SAMD5: variants seen among roughly 807,000 people sequenced by gnomAD.
SAMD5 encodes the protein sterile alpha motif domain-containing protein 5.
Under a neutral mutation model 11.3 loss-of-function variants are expected in SAMD5, and 13 were observed. The ratio of observed to expected loss-of-function variants is 1.15; its 90% CI spans 0.75 to 1.83. The LOEUF is 1.83. Among genes scored for constraint, SAMD5 ranks in the 40% most tolerant of loss-of-function variants. The pLI is 0.00. For missense variants in SAMD5, 255 were observed against 239.1 expected (o/e 1.07, Z -0.44); for synonymous variants, 129 against 111.3 (o/e 1.16, Z -1.00).
the SAMD5 span, among the ~76,000 whole-genome samples, chr6:147,751,792 T>G: frequency 6.6e-6 from 1 of 152,200 alleles, no homozygotes; most frequent in Non-Finnish European, 1.5e-5. Context: ...CTTTCTTTAT[T>G]CTTTTTTTGG....
intron 1 of SAMD5, among the ~76,000 whole-genome samples, chr6:147,597,681 A>G (rs1256858943): frequency 6.6e-6 from 1 of 152,206 alleles, no homozygotes; most frequent in Non-Finnish European, 1.5e-5. Context: ...AAATTTCATG[A>G]TCTCTTCAAG....
At chr6:147,870,492 A>ATATG in the SAMD5 span, among the ~76,000 whole-genome samples, 1 of 148,766 alleles carries the variant, frequency 6.7e-6, no homozygotes. Flanking sequence ...GTATATATAT[A>ATATG]TGTATATATT....
chr6:147,576,066 C>T (rs2128445788), intron 1 of SAMD5, among the ~76,000 whole-genome samples: 1 of 152,112 alleles, frequency 6.6e-6, no homozygotes, highest in African/African-American at 2.4e-5. Context: ...ACTATGTTTT[C>T]ATTAGAATTC....
downstream of SAMD5, among the ~76,000 whole-genome samples, chr6:147,739,642 G>C (rs1791850770): frequency 6.6e-6 from 1 of 152,046 alleles, no homozygotes; most frequent in African/African-American, 2.4e-5. Context: ...TCAATGGAAA[G>C]AGATTTTTAG....
chr6:147,595,339 T>C (rs564182336), intron 1 of SAMD5, among the ~76,000 whole-genome samples: 81 of 152,260 alleles, frequency 5.3e-4, no homozygotes, highest in African/African-American at 1.9e-3. Context: ...AGTACTCTTA[T>C]TTACACCATT....
intron 1 of SAMD5, among the ~76,000 whole-genome samples, chr6:147,537,417 G>T (rs1788526302): frequency 1.3e-5 from 2 of 152,052 alleles, no homozygotes; most frequent in Non-Finnish European, 2.9e-5. Context: ...CATAACCAAA[G>T]TTATTCATTT....
chr6:147,912,062 G>A, the SAMD5 span, among the ~76,000 whole-genome samples: 9 of 152,286 alleles, frequency 5.9e-5, no homozygotes, highest in South Asian at 1.2e-3. Context: ...CTGATGCACC[G>A]TTACTTCTCA....
the SAMD5 span, among the ~76,000 whole-genome samples, chr6:147,856,799 A>G: frequency 7.7e-6 from 1 of 130,178 alleles, no homozygotes; most frequent in African/African-American, 3.2e-5. Context: ...ACGTGGCTTA[A>G]TGACTTAGTT....
intron 1 of SAMD5, among the ~76,000 whole-genome samples, chr6:147,728,237 C>A (rs959469852): frequency 6.6e-6 from 1 of 151,976 alleles, no homozygotes; most frequent in Non-Finnish European, 1.5e-5. Flanking sequence ...ACCAGCCTGG[C>A]CAATATGGTG....
chr6:147,724,042 A>G (rs1197873768), intron 1 of SAMD5, among the ~76,000 whole-genome samples: 3 of 152,208 alleles, frequency 2.0e-5, no homozygotes, highest in African/African-American at 7.2e-5. Flanking sequence ...CAAAAAATCC[A>G]CAATCACATT....
the SAMD5 span, among the ~76,000 whole-genome samples, chr6:147,753,781 G>C: frequency 2.7e-5 from 4 of 150,862 alleles, 1 homozygote; most frequent in African/African-American, 2.4e-5. Context: ...TTAATTTCTA[G>C]ATCCCACAAA....
chr6:147,512,996 C>G (rs1348486129), intron 1 of SAMD5, among the ~76,000 whole-genome samples: 1 of 152,040 alleles, frequency 6.6e-6, no homozygotes, highest in Non-Finnish European at 1.5e-5. Context: ...GCATATTTAG[C>G]CTGAAGAGGA....
intron 1 of SAMD5, among the ~76,000 whole-genome samples, chr6:147,716,043 A>G (rs1791462147): frequency 6.6e-6 from 1 of 152,142 alleles, no homozygotes; most frequent in African/African-American, 2.4e-5. Context: ...CAGGCTTTCC[A>G]GGGCTTGAAG....
chr6:147,646,417 C>T (rs1291893913), intron 1 of SAMD5, among the ~76,000 whole-genome samples: 1 of 150,194 alleles, frequency 6.7e-6, no homozygotes, highest in African/African-American at 2.4e-5. Flanking sequence ...TCGGTTTCCA[C>T]TTATGTTTAT....
At chr6:147,772,586 G>C in the SAMD5 span, among the ~76,000 whole-genome samples, 4 of 152,056 alleles carry the variant, frequency 2.6e-5, no homozygotes, top group Non-Finnish European at 4.4e-5. Flanking sequence ...TTTCTTCTGA[G>C]GACCATAAGG....
the SAMD5 span, among the ~76,000 whole-genome samples, chr6:147,894,058 G>T: frequency 9.2e-5 from 14 of 151,380 alleles, no homozygotes; most frequent in African/African-American, 3.2e-4. Flanking sequence ...ATCTTTGAGG[G>T]GATTTCTATG....
intron 1 of SAMD5, among the ~76,000 whole-genome samples, chr6:147,693,219 T>A (rs1245625638): frequency 6.6e-6 from 1 of 152,198 alleles, no homozygotes; most frequent in Non-Finnish European, 1.5e-5. Context: ...TTCTAAGCAG[T>A]CTTTGACCTC....
At chr6:147,725,008 T>A (rs1336579732) in intron 1 of SAMD5, among the ~76,000 whole-genome samples, 1 of 152,234 alleles carries the variant, frequency 6.6e-6, no homozygotes, top group Non-Finnish European at 1.5e-5. Flanking sequence ...CCAGTCATAT[T>A]TTTTGTTGAT....
chr6:147,836,078 G>C, the SAMD5 span, among the ~76,000 whole-genome samples: 1 of 152,180 alleles, frequency 6.6e-6, no homozygotes, highest in African/African-American at 2.4e-5. Flanking sequence ...CCTAGTTAGA[G>C]CCTAATATAT....
Sources: allele counts gnomAD v4.1 joint callset (sites outside exome capture counted in the v4.1 genomes callset), GRCh38; gene constraint gnomAD v4.1.1; transcripts MANE v1.5; gene names NCBI Gene and HGNC (gene_info 2026-07-23, HGNC 2026-07-21).